AFAP1: variants seen among roughly 807,000 people sequenced by gnomAD.
AFAP1 encodes the protein actin filament-associated protein 1.
In AFAP1, 75 loss-of-function variants were observed where a neutral mutation model predicts 93.9. That is an observed-to-expected ratio of 0.80 (90% CI 0.66 to 0.97). The LOEUF is 0.97. Ranked by LOEUF, AFAP1 falls within the 50% of genes least tolerant of loss-of-function variation. The probability of loss-of-function intolerance (pLI) is 0.00; values close to 1 mark genes in which losing one functional copy is unlikely to be tolerated. For missense variants in AFAP1, 1,201 were observed against 1,050.8 expected (o/e 1.14, Z -1.98); for synonymous variants, 517 against 430.7 (o/e 1.20, Z -2.48).
chr4:7,786,108 C>T (rs957471643), intron 12 of AFAP1, 86 bp downstream of exon 12: 6 of 1,290,456 alleles, frequency 4.6e-6, no homozygotes, highest in Admixed American at 1.8e-5. Flanking sequence ...TTATTCAGAC[C>T]TGAAACCAGG....
rs143805409 is a variant in AFAP1 at position 7,791,132 on chromosome 4, A to G, written c.1412+2549T>C. On this transcript the variant is annotated intron_variant, in intron 11 of 17. Transcript: ENST00000420658. ...AAACTAGATGGTGGAGTTCATATTA[A>G]ACGGGCACAACACAACAGCACAGGC... is the stretch of plus-strand genomic sequence containing the variant. Among the ~76,000 whole-genome samples, 584 of 152,300 alleles carry G rather than the reference A, an allele frequency of 3.8e-3. 2 individuals are homozygous for G. Among genetic ancestry groups the G allele is most frequent in the Admixed American group, 5.5e-3 (84 of 15,296 alleles).
intron 6 of AFAP1, among the ~76,000 whole-genome samples, chr4:7,829,162 G>A (rs1337658410): frequency 6.6e-6 from 1 of 152,224 alleles, no homozygotes; most frequent in East Asian, 1.9e-4. Context: ...GGAACTGTGA[G>A]TCAATGTAAC....
intron 17 of AFAP1, among the ~76,000 whole-genome samples, chr4:7,768,429 G>A (rs929037882): frequency 3.9e-5 from 6 of 152,170 alleles, no homozygotes; most frequent in Non-Finnish European, 7.4e-5. Context: ...GGAAGGGGCT[G>A]GGGGAAAGCT....
intron 4 of AFAP1, among the ~76,000 whole-genome samples, chr4:7,848,099 A>AGGAAGGAAGGAAGGAAG (rs777540830): frequency 8.6e-6 from 1 of 116,020 alleles, no homozygotes; most frequent in Non-Finnish European, 1.7e-5. Context: ...AGGGAAGGAA[A>AGGAAGGAAGGAAGGAAG]GAAGGAAGGA....
At chr4:7,892,987 A>G (rs191306437) in intron 1 of AFAP1, among the ~76,000 whole-genome samples, 20 of 152,346 alleles carry the variant, frequency 1.3e-4, no homozygotes, top group African/African-American at 4.3e-4. Context: ...CATTTCAACC[A>G]TAAGAACTTG....
chr4:7,809,432 G>C, intron 9 of AFAP1, 182 bp downstream of exon 9: 1 of 631,706 alleles, frequency 1.6e-6, no homozygotes, highest in Non-Finnish European at 2.4e-6. Flanking sequence ...GCAAAGTCTT[G>C]TATGAATAAG....
chr4:7,908,096 C>T (rs1336179975), intron 1 of AFAP1, among the ~76,000 whole-genome samples: 1 of 152,092 alleles, frequency 6.6e-6, no homozygotes, highest in African/African-American at 2.4e-5. Flanking sequence ...CCTGTTATCC[C>T]AGCTACTCAG....
intron 6 of AFAP1, among the ~76,000 whole-genome samples, chr4:7,830,391 G>T (rs1721783304): frequency 6.6e-6 from 1 of 152,158 alleles, no homozygotes; most frequent in African/African-American, 2.4e-5. Flanking sequence ...GAGGCTGTGG[G>T]ACATGTGCTG....
intron 17 of AFAP1, among the ~76,000 whole-genome samples, chr4:7,767,021 C>T (rs551829770): frequency 2.0e-5 from 3 of 152,288 alleles, no homozygotes; most frequent in East Asian, 3.9e-4. Context: ...ACCAAGTTTA[C>T]GATACACAAG....
chr4:7,814,814 C>T (rs571642194), intron 8 of AFAP1, among the ~76,000 whole-genome samples: 2 of 151,878 alleles, frequency 1.3e-5, no homozygotes, highest in African/African-American at 4.8e-5. Context: ...TGCTCCGTGT[C>T]TTGATTGTGG....
intron 1 of AFAP1, among the ~76,000 whole-genome samples, chr4:7,898,867 T>C (rs1187298299): frequency 4.0e-5 from 6 of 149,164 alleles, no homozygotes; most frequent in Non-Finnish European, 7.5e-5. Context: ...TGTGTATATA[T>C]ATGTGTGTGT....
intron 8 of AFAP1, among the ~76,000 whole-genome samples, 191 bp downstream of exon 8, chr4:7,815,827 C>T (rs1395431613): frequency 6.6e-6 from 1 of 152,156 alleles, no homozygotes; most frequent in African/African-American, 2.4e-5. Flanking sequence ...AAAAGAAGAC[C>T]TGCAGGGTTG....
At chr4:7,913,328 T>A (rs890611720) in intron 1 of AFAP1, among the ~76,000 whole-genome samples, 4 of 145,462 alleles carry the variant, frequency 2.7e-5, no homozygotes, top group Non-Finnish European at 5.9e-5. Flanking sequence ...AGGCTGAGGC[T>A]GCAGTGAGCC....
intron 1 of AFAP1, among the ~76,000 whole-genome samples, chr4:7,923,963 C>T (rs1254550022): frequency 1.3e-5 from 2 of 152,140 alleles, no homozygotes; most frequent in Non-Finnish European, 2.9e-5. Flanking sequence ...AAACAAACAA[C>T]CAAATGAGCA....
intron 12 of AFAP1, among the ~76,000 whole-genome samples, chr4:7,785,514 C>G (rs905248878): frequency 6.6e-6 from 1 of 152,108 alleles, no homozygotes; most frequent in African/African-American, 2.4e-5. Context: ...CATTTTAATC[C>G]CATCGGGAAA....
rs531879369 is a variant in AFAP1 at position 7,840,397 on chromosome 4, T to G, written c.547-1694A>C. On this transcript the variant is annotated intron_variant, in intron 5 of 17. Coordinates refer to ENST00000420658, the MANE Select transcript of AFAP1 (RefSeq NM_001134647.2). The stretch of plus-strand genomic sequence containing the variant: ...GGCACGATCTTGGCTCACTGCAACC[T>G]CCCCCTCCTGGGTTCAAGCGATTCT... 1.8e-4 allele frequency among the ~76,000 whole-genome samples: 28 copies of G among 151,738 alleles called. 1 individual carries two copies. The highest frequency in any genetic ancestry group is 6.6e-5 in the Admixed American group (1 of 15,212).
At chr4:7,914,462 G>A (rs1167994407) in intron 1 of AFAP1, among the ~76,000 whole-genome samples, 3 of 152,166 alleles carry the variant, frequency 2.0e-5, no homozygotes, top group Non-Finnish European at 4.4e-5. Flanking sequence ...ACGTTGCTGA[G>A]AATAACAGGA....
rs757910381 is a variant in AFAP1 at position 7,786,278 on chromosome 4, T to C, written c.1446A>G (p.Pro482=). Reference sequence around the variant, plus strand: ...AGCCGTTGGAGGTGCCCCCTAGATATGGGTTAGCAGATATAACACGCCTGT... The same window carrying C: ...AGCCGTTGGAGGTGCCCCCTAGATACGGGTTAGCAGATATAACACGCCTGT... The part of the protein sequence containing the change: ...FMNRRVISAN[P]YLGGTSNGYA... The change falls in exon 12 of 18, where the codon CCA becomes CCG. Residue 482 remains proline (P), a synonymous_variant. Coordinates refer to ENST00000420658, the MANE Select transcript of AFAP1 (RefSeq NM_001134647.2). The C allele has an allele frequency of 4.3e-6, 7 of 1,614,082 alleles. No individual in the cohort carries two copies. The East Asian group carries it at 6.7e-5, about 15-fold the overall frequency.
At chr4:7,833,589 CTTTTTTTT>C (rs33990733) in intron 6 of AFAP1, among the ~76,000 whole-genome samples, 1 of 131,802 alleles carries the variant, frequency 7.6e-6, no homozygotes, top group Non-Finnish European at 1.6e-5. Context: ...GTGGAGATGT[CTTTTTTTT>C]TTTTTTTTTT....
Sources: gnomAD v4.1 joint callset for allele counts (sites outside exome capture counted in the v4.1 genomes callset) on GRCh38, gnomAD v4.1.1 for gene constraint, MANE v1.5 for transcripts, NCBI Gene and HGNC (gene_info 2026-07-23, HGNC 2026-07-21) for gene names.